TMEM117: variants seen among roughly 807,000 people sequenced by gnomAD.
TMEM117 encodes the protein transmembrane protein 117.
In TMEM117, 27 loss-of-function variants were observed where a neutral mutation model predicts 52.4. The ratio of observed to expected loss-of-function variants is 0.51; its 90% CI spans 0.38 to 0.71. The LOEUF is 0.71. Ranked by LOEUF, TMEM117 falls within the 30% of genes least tolerant of loss-of-function variation. The probability of loss-of-function intolerance (pLI) is 0.00; values close to 1 mark genes in which losing one functional copy is unlikely to be tolerated. For synonymous variants in TMEM117, 215 were observed against 206.3 expected (o/e 1.04, Z -0.36); for missense variants, 556 against 630.5 (o/e 0.88, Z 1.26).
chr12:44,323,464 T>G (rs1285554376), intron 6 of TMEM117, among the ~76,000 whole-genome samples: 1 of 152,160 alleles, frequency 6.6e-6, no homozygotes, highest in Admixed American at 6.5e-5. Flanking sequence ...ATTAGATGCT[T>G]GATGAATATT....
At chr12:43,834,803 C>T (rs925145430), upstream of TMEM117, among the ~76,000 whole-genome samples, 3 of 152,090 alleles carry the variant, frequency 2.0e-5, no homozygotes, top group Non-Finnish European at 4.4e-5. Context: ...TCCATATATA[C>T]GTGGTCATTT....
At chr12:44,305,077 G>T (rs2138655253) in intron 6 of TMEM117, among the ~76,000 whole-genome samples, 1 of 152,288 alleles carries the variant, frequency 6.6e-6, no homozygotes, top group South Asian at 2.1e-4. Context: ...GGCCAGAGGG[G>T]AGCCCATTCC....
intron 3 of TMEM117, among the ~76,000 whole-genome samples, chr12:43,958,967 C>T (rs1945355569): frequency 6.6e-6 from 1 of 152,096 alleles, no homozygotes; most frequent in Admixed American, 6.5e-5. Context: ...CCACCACGCC[C>T]GGCTAATTTT....
chr12:43,866,501 G>C (rs552211402), intron 2 of TMEM117, among the ~76,000 whole-genome samples: 1 of 152,180 alleles, frequency 6.6e-6, no homozygotes, highest in East Asian at 1.9e-4. Context: ...CCAGAGCCTG[G>C]GAGGTCGAGG....
intron 5 of TMEM117, among the ~76,000 whole-genome samples, chr12:44,278,124 TTGATGAACCCAAGGTTATC>T (rs1184838886): frequency 6.6e-6 from 1 of 152,168 alleles, no homozygotes; most frequent in Non-Finnish European, 1.5e-5. Flanking sequence ...AATCTCCCTT[TTGATGAACCCAAGGTTATC>T]TGATTAGAAA....
intron 3 of TMEM117, among the ~76,000 whole-genome samples, chr12:44,089,104 A>G (rs1030360103): frequency 6.6e-6 from 1 of 152,184 alleles, no homozygotes; most frequent in East Asian, 1.9e-4. Context: ...CATGAAGACA[A>G]TATGGATCAC....
At chr12:44,382,056 T>C (rs934606869) in intron 7 of TMEM117, among the ~76,000 whole-genome samples, 1 of 152,230 alleles carries the variant, frequency 6.6e-6, no homozygotes, top group Non-Finnish European at 1.5e-5. Context: ...TCAAGCAATT[T>C]TCATTTTCAG....
At chr12:44,379,839 A>T (rs1592730582) in intron 7 of TMEM117, among the ~76,000 whole-genome samples, 1 of 152,262 alleles carries the variant, frequency 6.6e-6, no homozygotes, top group Non-Finnish European at 1.5e-5. Context: ...GCTTTTCTTG[A>T]TAACTAAATA....
chr12:44,387,922 A>C, intron 7 of TMEM117, 104 bp from the exon 8 acceptor site: 1 of 1,045,728 alleles, frequency 9.6e-7, no homozygotes, highest in Non-Finnish European at 1.4e-6. Flanking sequence ...AGTCTGAAAC[A>C]TTAACAATTG....
chr12:44,218,641 G>T (rs1431512552), intron 5 of TMEM117, among the ~76,000 whole-genome samples: 1 of 152,124 alleles, frequency 6.6e-6, no homozygotes, highest in Admixed American at 6.6e-5. Flanking sequence ...GGCAAGAAAA[G>T]GGAAACAAAC....
chr12:44,031,456 T>C (rs1009046694), intron 3 of TMEM117, among the ~76,000 whole-genome samples: 4 of 152,206 alleles, frequency 2.6e-5, no homozygotes, highest in Non-Finnish European at 5.9e-5. Flanking sequence ...TGCAGGTTTC[T>C]GATAACTTTG....
chr12:44,082,541 T>A (rs1452143736), intron 3 of TMEM117, among the ~76,000 whole-genome samples: 2 of 151,970 alleles, frequency 1.3e-5, no homozygotes, highest in Non-Finnish European at 2.9e-5. Flanking sequence ...AAATGATTGA[T>A]CGATAAAATA....
At chr12:43,940,545 C>T (rs1476931153) in intron 2 of TMEM117, among the ~76,000 whole-genome samples, 1 of 151,846 alleles carries the variant, frequency 6.6e-6, no homozygotes, top group African/African-American at 2.4e-5. Flanking sequence ...ATTTTATATA[C>T]ACTTTTTTTT....
At chr12:43,960,531 CATT>C (rs1945385185) in intron 3 of TMEM117, among the ~76,000 whole-genome samples, 1 of 152,108 alleles carries the variant, frequency 6.6e-6, no homozygotes, top group Non-Finnish European at 1.5e-5. Flanking sequence ...AGTTTTAAAA[CATT>C]AGTGAAAAAC....
intron 4 of TMEM117, among the ~76,000 whole-genome samples, chr12:44,195,243 G>T (rs756747630): frequency 4.6e-5 from 7 of 152,130 alleles, no homozygotes; most frequent in Non-Finnish European, 1.0e-4. Flanking sequence ...TTTGCTTGTA[G>T]GGCTGAGGTC....
At chr12:44,157,629 C>G (rs1172641371) in intron 4 of TMEM117, among the ~76,000 whole-genome samples, 1 of 151,824 alleles carries the variant, frequency 6.6e-6, no homozygotes, top group South Asian at 2.1e-4. Flanking sequence ...TATAAATATA[C>G]CTGATGTTAG....
intron 3 of TMEM117, among the ~76,000 whole-genome samples, chr12:44,125,988 GAGA>G (rs1948318040): frequency 6.6e-6 from 1 of 152,134 alleles, no homozygotes; most frequent in Non-Finnish European, 1.5e-5. Flanking sequence ...AACCAGTTAG[GAGA>G]AGGTTGTTCA....
chr12:44,362,245 T>A (rs1440207505), intron 6 of TMEM117, among the ~76,000 whole-genome samples: 1 of 152,158 alleles, frequency 6.6e-6, no homozygotes, highest in Non-Finnish European at 1.5e-5. Context: ...GTTTTGGTCC[T>A]GGTTGCAACC....
chr12:44,383,597 A>G (rs1210258825), intron 7 of TMEM117, among the ~76,000 whole-genome samples: 1 of 152,158 alleles, frequency 6.6e-6, no homozygotes, highest in Admixed American at 6.6e-5. Context: ...TTCTTACCCT[A>G]CCTCCTTGCT....
Sources: gnomAD v4.1 joint callset for allele counts (sites outside exome capture counted in the v4.1 genomes callset) on GRCh38, gnomAD v4.1.1 for gene constraint, MANE v1.5 for transcripts, NCBI Gene and HGNC (gene_info 2026-07-23, HGNC 2026-07-21) for gene names.